The following ZNF676 variants were observed in gnomAD, a reference collection of about 807,000 sequenced individuals.
ZNF676 encodes zinc finger protein 676.
Under a neutral mutation model 6.0 loss-of-function variants are expected in ZNF676, and 4 were observed. The observed-to-expected ratio is 0.67, with a 90% CI of 0.33 to 1.53. ZNF676 has a LOEUF of 1.53. ZNF676 is among the 40% of genes most tolerant of loss of function. The probability of loss-of-function intolerance (pLI) is 0.06; values close to 1 mark genes in which losing one functional copy is unlikely to be tolerated. For synonymous variants in ZNF676, 198 were observed against 223.1 expected (o/e 0.89, Z 1.00); for missense variants, 644 against 679.7 (o/e 0.95, Z 0.58).
At chr19:22,252,005 G>T in the ZNF676 span, among the ~76,000 whole-genome samples, 1 of 152,258 alleles carries the variant, frequency 6.6e-6, no homozygotes, top group Non-Finnish European at 1.5e-5. Context: ...TGCAAGATAA[G>T]CTTGCTCAAT....
At chr19:22,234,602 A>C in the ZNF676 span, among the ~76,000 whole-genome samples, 76 of 152,196 alleles carry the variant, frequency 5.0e-4, no homozygotes, top group African/African-American at 1.8e-3. Flanking sequence ...TCAAAAGGAG[A>C]GTAGTTATCT....
At chr19:22,238,995 G>A in the ZNF676 span, among the ~76,000 whole-genome samples, 17 of 152,210 alleles carry the variant, frequency 1.1e-4, no homozygotes, top group East Asian at 2.7e-3. Context: ...GACACATCCA[G>A]GATTAATACT....
chr19:22,210,725 C>T (rs1010897963), intron 1 of ZNF676, among the ~76,000 whole-genome samples: 1 of 152,120 alleles, frequency 6.6e-6, no homozygotes, highest in African/African-American at 2.4e-5. Context: ...TTTCTTTTCT[C>T]GTTAAAAAAA....
the ZNF676 span, among the ~76,000 whole-genome samples, chr19:22,248,511 C>G: frequency 4.9e-4 from 74 of 152,236 alleles, no homozygotes; most frequent in African/African-American, 1.6e-3. Context: ...AAGGGGGAAA[C>G]TTGAGAGCTA....
chr19:22,182,593 A>AAAAAAAAAAAAAAAAAAC lies in ZNF676; in HGVS notation c.131-1008_131-1007insGTTTTTTTTTTTTTTTTT, dbSNP rs1356303631. On this transcript the variant is annotated intron_variant, in intron 2 of 2. Coordinates refer to ENST00000397121, the MANE Select transcript of ZNF676 (RefSeq NM_001001411.3). ...TGATATAGTCAAAGTTCTAAAAAAA[A>AAAAAAAAAAAAAAAAAAC]AAAAAAAAAGCAAACAAAAAAAAGA... Among the ~76,000 whole-genome samples, 625 of 90,510 alleles carry AAAAAAAAAAAAAAAAAAC rather than the reference A, an allele frequency of 6.9e-3. 10 individuals carry two copies. The highest frequency in any genetic ancestry group is 0.02 in the African/African-American group (429 of 21,976). The allele number at this position is 90,510 out of a possible 152,430, so 59.4% of individuals were successfully genotyped here.
chr19:22,245,610 G>C, the ZNF676 span, among the ~76,000 whole-genome samples: 2 of 150,530 alleles, frequency 1.3e-5, no homozygotes, highest in Non-Finnish European at 2.9e-5. Flanking sequence ...CAAGACCCAG[G>C]CAATAAAACA....
chr19:22,255,193 G>A, the ZNF676 span, among the ~76,000 whole-genome samples: 2 of 152,288 alleles, frequency 1.3e-5, no homozygotes, highest in Admixed American at 1.3e-4. Flanking sequence ...CAACCCATCT[G>A]TGGACAAGAT....
the ZNF676 span, among the ~76,000 whole-genome samples, chr19:22,249,921 C>T: frequency 7.2e-5 from 11 of 151,870 alleles, no homozygotes; most frequent in Non-Finnish European, 1.5e-4. Flanking sequence ...CAGTGGCTCA[C>T]ACCTGTAATC....
intron 1 of ZNF676, among the ~76,000 whole-genome samples, chr19:22,195,348 G>A (rs542835976): frequency 3.7e-4 from 56 of 152,250 alleles, no homozygotes; most frequent in Admixed American, 9.2e-4. Context: ...ATTTTGGGTC[G>A]CATCCCTGGG....
At chr19:22,220,697 T>TC (rs1316496769), upstream of ZNF676, among the ~76,000 whole-genome samples, 1 of 152,024 alleles carries the variant, frequency 6.6e-6, no homozygotes, top group East Asian at 1.9e-4. Context: ...CCTCAAGTGA[T>TC]CCCCCCACCT....
the ZNF676 span, among the ~76,000 whole-genome samples, chr19:22,235,155 A>AAGGAAGGAAG: frequency 4.2e-5 from 3 of 71,358 alleles, no homozygotes; most frequent in African/African-American, 1.8e-4. Context: ...AAGGAAGGAA[A>AAGGAAGGAAG]GAAAGAAAGA....
intron 1 of ZNF676, 75 bp downstream of exon 1, chr19:22,196,525 T>C: frequency 6.2e-7 from 1 of 1,610,728 alleles, no homozygotes; most frequent in Non-Finnish European, 8.5e-7. Flanking sequence ...TCCTCCTTTG[T>C]TCAGTCCAAT....
chr19:22,242,803 C>T, the ZNF676 span, among the ~76,000 whole-genome samples: 3 of 151,058 alleles, frequency 2.0e-5, no homozygotes, highest in Middle Eastern at 3.2e-3. Flanking sequence ...GTCAGGTAAC[C>T]TAGAAACTAG....
chr19:22,202,579 G>A (rs1435429204), intron 1 of ZNF676, among the ~76,000 whole-genome samples: 4 of 152,024 alleles, frequency 2.6e-5, no homozygotes, highest in Non-Finnish European at 4.4e-5. Context: ...CAGCCCCAGA[G>A]GAATTAAATA....
chr19:22,218,484 C>A (rs1459433530), upstream of ZNF676, among the ~76,000 whole-genome samples: 1 of 151,762 alleles, frequency 6.6e-6, no homozygotes, highest in Non-Finnish European at 1.5e-5. Flanking sequence ...AGGCACCTGC[C>A]ACCACACCCA....
intron 1 of ZNF676, among the ~76,000 whole-genome samples, chr19:22,205,125 T>G (rs185737943): frequency 6.6e-6 from 1 of 152,134 alleles, no homozygotes; most frequent in Admixed American, 6.5e-5. Flanking sequence ...GAGAGAAAAT[T>G]GTTATAAAAA....
rs187192628 is a variant in ZNF676, at chr19:22,188,458, G to A, written c.130+4558C>T. Among the ~76,000 whole-genome samples the A allele has an allele frequency of 3.1e-3, 468 of 152,266 alleles. 2 individuals carry two copies. The highest frequency in any genetic ancestry group is 0.011 in the African/African-American group (437 of 41,560). On this transcript the variant is annotated intron_variant, in intron 2 of 2. Coordinates refer to ENST00000397121, the MANE Select transcript of ZNF676 (RefSeq NM_001001411.3). The stretch of plus-strand genomic sequence containing the variant: ...CCCTTTGAAAACTGGCACAAGACAA[G>A]GATGCCCTCTCTCACCACTCCTATT...
the ZNF676 span, among the ~76,000 whole-genome samples, chr19:22,226,482 T>G: frequency 6.6e-6 from 1 of 152,112 alleles, no homozygotes; most frequent in Admixed American, 6.5e-5. Context: ...CACTGTAGGT[T>G]GTACTGACAT....
chr19:22,241,050 C>A, the ZNF676 span, among the ~76,000 whole-genome samples: 1 of 151,910 alleles, frequency 6.6e-6, no homozygotes, highest in African/African-American at 2.4e-5. Flanking sequence ...CAGGGCCTGA[C>A]AGTGCATCAC....
Sources: allele counts gnomAD v4.1 joint callset (sites outside exome capture counted in the v4.1 genomes callset), GRCh38; gene constraint gnomAD v4.1.1; transcripts MANE v1.5; gene names NCBI Gene and HGNC (gene_info 2026-07-23, HGNC 2026-07-21).